GALNT14: variants seen among roughly 807,000 people sequenced by gnomAD.
The protein encoded by GALNT14 is UDP-GalNAc:polypeptide N-acetylgalactosaminyltransferase 14.
A neutral mutation model predicts 77.5 loss-of-function variants in GALNT14; 60 were observed. That is an observed-to-expected ratio of 0.77 (90% confidence interval 0.63 to 0.96). The LOEUF (loss-of-function observed/expected upper bound fraction) is 0.96, where lower values mean the gene tolerates loss of function less well. GALNT14 is among the 40% of genes least tolerant of loss of function. The pLI is 0.00. For synonymous variants in GALNT14, 280 were observed against 281.7 expected, an observed-to-expected ratio of 0.99 and a Z score of 0.06; for missense variants, 710 against 731.0, an observed-to-expected ratio of 0.97 and a Z score of 0.33.
chr2:31,133,110 C>T (rs1183521357), intron 1 of GALNT14, among the ~76,000 whole-genome samples: 1 of 151,098 alleles, frequency 6.6e-6, no homozygotes. Flanking sequence ...GCCAGATTAT[C>T]CTTAAAAAAA....
intron 1 of GALNT14, among the ~76,000 whole-genome samples, chr2:30,996,556 C>T (rs1252449740): frequency 6.6e-6 from 1 of 152,216 alleles, no homozygotes; most frequent in Admixed American, 6.5e-5. Context: ...TGGCCTCACC[C>T]CCCCTCTACT....
chr2:30,981,722 G>GT (rs1669002140), intron 2 of GALNT14, among the ~76,000 whole-genome samples: 1 of 152,154 alleles, frequency 6.6e-6, no homozygotes, highest in African/African-American at 2.4e-5. Context: ...AACTTACTTA[G>GT]TACCTAAGCC....
intron 1 of GALNT14, among the ~76,000 whole-genome samples, chr2:31,123,566 T>G (rs1678530441): frequency 6.6e-6 from 1 of 152,188 alleles, no homozygotes; most frequent in Admixed American, 6.5e-5. Flanking sequence ...AATGCTTCTT[T>G]CAAAAAAATC....
the GALNT14 span, among the ~76,000 whole-genome samples, chr2:30,889,813 G>A: frequency 5.3e-5 from 8 of 152,242 alleles, no homozygotes; most frequent in Admixed American, 4.6e-4. Context: ...TGTGGAGTCT[G>A]AAGGGCAGGA....
intron 1 of GALNT14, among the ~76,000 whole-genome samples, chr2:31,136,795 C>T (rs140858674): frequency 2.0e-4 from 31 of 152,266 alleles, no homozygotes; most frequent in Admixed American, 4.6e-4. Flanking sequence ...ACCTGTTTTC[C>T]TGATCTATGA....
chr2:30,940,490 A>G (rs1026938926), intron 9 of GALNT14, among the ~76,000 whole-genome samples: 5 of 152,252 alleles, frequency 3.3e-5, no homozygotes, highest in East Asian at 1.9e-4. Context: ...AACAAAAAAT[A>G]TATCTACAAC....
At chr2:30,906,850 A>G (rs1428055998), downstream of GALNT14, among the ~76,000 whole-genome samples, 1 of 152,252 alleles carries the variant, frequency 6.6e-6, no homozygotes, top group Non-Finnish European at 1.5e-5. Context: ...AGAAATTATA[A>G]CAAACTATCT....
At chr2:30,908,834 C>G (rs1294582271), downstream of GALNT14, among the ~76,000 whole-genome samples, 1 of 147,882 alleles carries the variant, frequency 6.8e-6, no homozygotes, top group Non-Finnish European at 1.5e-5. Context: ...GTAACCAAAA[C>G]AGCACGGTAC....
intron 1 of GALNT14, among the ~76,000 whole-genome samples, chr2:31,105,038 C>G (rs1677486077): frequency 6.6e-6 from 1 of 152,186 alleles, no homozygotes; most frequent in African/African-American, 2.4e-5. Context: ...GTTACGGTGA[C>G]CAAGTGGTGA....
intron 9 of GALNT14, among the ~76,000 whole-genome samples, chr2:30,938,220 G>A (rs2148270619): frequency 6.6e-6 from 1 of 151,784 alleles, no homozygotes; most frequent in Non-Finnish European, 1.5e-5. Flanking sequence ...TTAAATTCAG[G>A]AATCCCATAT....
intron 1 of GALNT14, among the ~76,000 whole-genome samples, chr2:31,048,581 T>G (rs1440255163): frequency 2.8e-5 from 4 of 143,642 alleles, no homozygotes; most frequent in African/African-American, 1.0e-4. Flanking sequence ...GCCCTGGGAC[T>G]GCCTCCCCAC....
the GALNT14 span, among the ~76,000 whole-genome samples, chr2:30,886,967 CA>C: frequency 1.3e-5 from 2 of 152,224 alleles, no homozygotes; most frequent in Non-Finnish European, 1.5e-5. Context: ...ATTGACTTTT[CA>C]GATATTTCAT....
intron 1 of GALNT14, among the ~76,000 whole-genome samples, chr2:31,108,727 T>C (rs1041974394): frequency 6.6e-6 from 1 of 152,228 alleles, no homozygotes; most frequent in Non-Finnish European, 1.5e-5. Flanking sequence ...GAGGACTATA[T>C]AAGCATTAAT....
intron 1 of GALNT14, among the ~76,000 whole-genome samples, chr2:31,067,266 C>T (rs1675034565): frequency 6.6e-6 from 1 of 152,156 alleles, no homozygotes; most frequent in South Asian, 2.1e-4. Flanking sequence ...GCAGCAGGAA[C>T]CTCTGAACTT....
At chr2:31,032,651 ATTAT>A (rs1672490012) in intron 1 of GALNT14, among the ~76,000 whole-genome samples, 1 of 152,020 alleles carries the variant, frequency 6.6e-6, no homozygotes, top group Non-Finnish European at 1.5e-5. Context: ...AGCTGTTGAG[ATTAT>A]TTCCCAATCC....
At position 31,073,482 on chromosome 2, in the gene GALNT14, AAG is replaced by A. The variant is rs553753793; in HGVS notation, c.129+64474_129+64475del. 3.4e-3 allele frequency among the ~76,000 whole-genome samples: 339 copies of A among 98,780 alleles called. 2 individuals are homozygous for A. Among genetic ancestry groups the A allele is most frequent in the African/African-American group, 0.014 (313 of 22,982 alleles). 64.8% of individuals were successfully genotyped at this position (98,780 alleles called of 152,430 possible). On this transcript the variant is annotated intron_variant, in intron 1 of 14. Coordinates refer to ENST00000349752, the MANE Select transcript of GALNT14 (RefSeq NM_024572.4). ...TGACAAAAATTAAATTTGGGGAATA[AAG>A]AGGGGGGGGGAACAGCATTTGGGGA...
Position 31,138,414 on chromosome 2 carries a change from CTT to C in GALNT14, c.-330_-329del. The C allele has an allele frequency of 1.7e-5, 6 of 355,408 alleles. No individual in the cohort carries two copies. Among genetic ancestry groups the C allele is most frequent in the South Asian group, 3.2e-5 (1 of 31,522 alleles). The allele number at this position is 355,408 out of a possible 1,614,324, so 22.0% of individuals were successfully genotyped here. A position where few individuals can be genotyped will look rare whatever the true frequency, so the allele number is the denominator to read the frequency against. Reference sequence around the variant, plus strand: ...CGGCTGCCGCCGCCGCCGCCGCCGCCTTGCCCGCTGCCGCCGATAGGGAAACT... The same window carrying C: ...CGGCTGCCGCCGCCGCCGCCGCCGCCGCCCGCTGCCGCCGATAGGGAAACT... On this transcript the variant is annotated 5_prime_UTR_variant, in exon 1 of 15. Transcript: ENST00000349752.
chr2:31,068,524 A>G (rs1360089570), intron 1 of GALNT14, among the ~76,000 whole-genome samples: 1 of 151,466 alleles, frequency 6.6e-6, no homozygotes, highest in Non-Finnish European at 1.5e-5. Context: ...AAAAAAAAAA[A>G]AGAAAAGAAA....
intron 1 of GALNT14, among the ~76,000 whole-genome samples, chr2:31,082,562 G>C (rs1676207879): frequency 6.6e-6 from 1 of 152,196 alleles, no homozygotes; most frequent in Non-Finnish European, 1.5e-5. Flanking sequence ...AATTATGCAA[G>C]GGTTGATCAG....
Sources: allele counts gnomAD v4.1 joint callset (sites outside exome capture counted in the v4.1 genomes callset), GRCh38; gene constraint gnomAD v4.1.1; transcripts MANE v1.5; gene names NCBI Gene and HGNC (gene_info 2026-07-23, HGNC 2026-07-21).